The following LYST variants were observed in gnomAD, a reference collection of about 807,000 sequenced individuals.
LYST encodes lysosomal trafficking regulator, also known as lysosomal-trafficking regulator.
Under a neutral mutation model 413.6 loss-of-function variants are expected in LYST, and 192 were observed. The observed-to-expected ratio is 0.46, with a 90% CI of 0.41 to 0.52. The LOEUF is 0.52. Ranked by LOEUF, LYST falls within the 20% of genes least tolerant of loss-of-function variation. The pLI is 0.00. For missense variants in LYST, 3,815 were observed against 4,499.9 expected (o/e 0.85, Z 4.35); for synonymous variants, 1,525 against 1,567.3 (o/e 0.97, Z 0.64).
chr1:235,742,172 C>T (rs1052861183), intron 30 of LYST, among the ~76,000 whole-genome samples: 3 of 151,822 alleles, frequency 2.0e-5, no homozygotes, highest in Non-Finnish European at 2.9e-5. Flanking sequence ...TAAAAAGTTC[C>T]GGCCGGGTGT....
At chr1:235,798,578 TAAAAAAAAAAAAAAAAAAAAAAAAAA>T (rs71174462) in intron 10 of LYST, among the ~76,000 whole-genome samples, 32 of 81,714 alleles carry the variant, frequency 3.9e-4, no homozygotes, top group Non-Finnish European at 6.5e-4. Flanking sequence ...AACCCTGTCA[TAAAAAAAAAAAAAAAAAAAAAAAAAA>T]AAAAAAAAAA....
At chr1:235,725,568 T>A (rs1042765259) in intron 38 of LYST, among the ~76,000 whole-genome samples, 1 of 152,212 alleles carries the variant, frequency 6.6e-6, no homozygotes, top group Non-Finnish European at 1.5e-5. Context: ...TGCCATCATA[T>A]AGATTTAGGT....
chr1:235,773,371 AT>A (rs972976833), intron 19 of LYST, among the ~76,000 whole-genome samples: 1 of 152,120 alleles, frequency 6.6e-6, no homozygotes, highest in African/African-American at 2.4e-5. Context: ...ATATGCTTCT[AT>A]TCACGGTAGC....
chr1:235,814,003 G>A (rs895717670), intron 3 of LYST, among the ~76,000 whole-genome samples: 1 of 152,140 alleles, frequency 6.6e-6, no homozygotes, highest in African/African-American at 2.4e-5. Flanking sequence ...ACTTTCTGAA[G>A]TACTCCAACA....
chr1:235,731,873 T>C (rs1391161760), intron 34 of LYST, among the ~76,000 whole-genome samples: 1 of 152,178 alleles, frequency 6.6e-6, no homozygotes, highest in East Asian at 1.9e-4. Context: ...TTGCCTACTC[T>C]CTAATGAAAC....
intron 38 of LYST, among the ~76,000 whole-genome samples, chr1:235,725,193 G>A (rs1343695590): frequency 6.6e-6 from 1 of 152,192 alleles, no homozygotes; most frequent in Non-Finnish European, 1.5e-5. Context: ...CAGCACTTTG[G>A]GAGGCGGAGG....
intron 22 of LYST, among the ~76,000 whole-genome samples, chr1:235,760,272 A>G (rs1008304965): frequency 6.6e-6 from 1 of 152,198 alleles, no homozygotes; most frequent in East Asian, 1.9e-4. Context: ...GTGGCTTTAA[A>G]GATTGAGATT....
chr1:235,698,399 T>C (rs1228321804), intron 45 of LYST, among the ~76,000 whole-genome samples: 2 of 152,174 alleles, frequency 1.3e-5, no homozygotes, highest in African/African-American at 2.4e-5. Context: ...TTAGGGGACA[T>C]GTTAAATGAT....
At chr1:235,738,110 C>T (rs912415905) in intron 31 of LYST, 21 of 1,607,410 alleles carry the variant, frequency 1.3e-5, no homozygotes, top group African/African-American at 8.0e-5. Context: ...CCTGTGCCAT[C>T]GGTATCTTAA....
chr1:235,728,315 CTTTGTGTCTTAAT>C (rs1281750777), intron 37 of LYST, among the ~76,000 whole-genome samples, 184 bp from the exon 38 acceptor site: 1 of 151,796 alleles, frequency 6.6e-6, no homozygotes, highest in African/African-American at 2.4e-5. Flanking sequence ...TGCTTTACCT[CTTTGTGTCTTAAT>C]TTCTTTATTA....
At chr1:235,742,271 A>G (rs1296174016) in intron 30 of LYST, among the ~76,000 whole-genome samples, 1 of 152,090 alleles carries the variant, frequency 6.6e-6, no homozygotes, top group Non-Finnish European at 1.5e-5. Flanking sequence ...CCTGGACAAC[A>G]TGGTGAAACG....
intron 49 of LYST, 32 bp downstream of exon 49, chr1:235,677,448 G>T: frequency 6.2e-7 from 1 of 1,608,218 alleles, no homozygotes; most frequent in African/African-American, 1.3e-5. Flanking sequence ...TATTAAAAAT[G>T]CTATGTTTGA....
rs527559345 is a variant in LYST at position 235,804,632 on chromosome 1, T to C, written c.3427A>G (p.Arg1143Gly). ...ACCTTTGACTGGGAAAGATGGTCCC[T>C]CATTTCAAATAATATACTTTCCACA... ...LSVESILFEM[R>G]DHLSQSKVIE... The change falls in exon 7 of 53, where the codon AGG becomes GGG. Residue 1143 changes from arginine to glycine, a missense_variant. Transcript: ENST00000389793. 10 of 1,608,480 alleles carry C rather than the reference T, an allele frequency of 6.2e-6. No individual in the cohort carries two copies. The South Asian group carries it at 9.9e-5, about 16-fold the overall frequency.
chr1:235,764,646 T>A (rs1667951075), intron 21 of LYST, among the ~76,000 whole-genome samples: 1 of 151,778 alleles, frequency 6.6e-6, no homozygotes, highest in African/African-American at 2.4e-5. Context: ...ATTACAGGCA[T>A]GTGCCACCAT....
chr1:235,825,741 A>G (rs1350334297), intron 3 of LYST, among the ~76,000 whole-genome samples: 2 of 152,226 alleles, frequency 1.3e-5, no homozygotes, highest in East Asian at 3.8e-4. Context: ...AACATTGTTA[A>G]GTGTCAATTC....
At chr1:235,845,428 G>A (rs1677709411) in intron 1 of LYST, among the ~76,000 whole-genome samples, 1 of 152,176 alleles carries the variant, frequency 6.6e-6, no homozygotes, top group East Asian at 1.9e-4. Flanking sequence ...AAACCCCACA[G>A]GGAAAGGAAT....
chr1:235,780,841 A>T, intron 16 of LYST, 24 bp downstream of exon 16: 1 of 1,026,552 alleles, frequency 9.7e-7, no homozygotes, highest in Middle Eastern at 3.2e-4. Context: ...CTATAAAATT[A>T]AAATTTATAA....
At chr1:235,668,811 T>TA (rs978453276) in intron 50 of LYST, among the ~76,000 whole-genome samples, 15 of 152,132 alleles carry the variant, frequency 9.9e-5, no homozygotes, top group African/African-American at 3.6e-4. Context: ...ATCAAGGAAA[T>TA]AAAAAATCAT....
At chr1:235,819,095 T>A (rs550178701) in intron 3 of LYST, among the ~76,000 whole-genome samples, 1 of 152,326 alleles carries the variant, frequency 6.6e-6, no homozygotes, top group East Asian at 1.9e-4. Context: ...CAAGTGCAGA[T>A]GTTTGGGTTT....
Sources: gnomAD v4.1 joint callset for allele counts (sites outside exome capture counted in the v4.1 genomes callset) on GRCh38, gnomAD v4.1.1 for gene constraint, MANE v1.5 for transcripts, NCBI Gene and HGNC (gene_info 2026-07-23, HGNC 2026-07-21) for gene names.